The following BIRC6 variants were observed in gnomAD, a reference collection of about 807,000 sequenced individuals.
BIRC6 encodes the protein dual E2 ubiquitin-conjugating enzyme/E3 ubiquitin-protein ligase BIRC6.
Under a neutral mutation model 503.3 loss-of-function variants are expected in BIRC6, and 98 were observed. That is an observed-to-expected ratio of 0.19 (90% CI 0.17 to 0.23). BIRC6 has a LOEUF of 0.23. Ranked by LOEUF, BIRC6 falls within the 10% of genes least tolerant of loss-of-function variation. The pLI, the probability that BIRC6 is intolerant of heterozygous loss-of-function variation, is 1.00. For missense variants in BIRC6, 5,360 were observed against 5,806.0 expected (o/e 0.92, Z 2.50); for synonymous variants, 2,240 against 2,078.7 (o/e 1.08, Z -2.11).
At chr2:32,376,269 G>T (rs1159194439) in intron 1 of BIRC6, among the ~76,000 whole-genome samples, 1 of 151,748 alleles carries the variant, frequency 6.6e-6, no homozygotes, top group African/African-American at 2.4e-5. Context: ...ATTGAGAGAT[G>T]AACTGCTCAC....
intron 5 of BIRC6, among the ~76,000 whole-genome samples, chr2:32,395,283 G>T (rs1369474030): frequency 6.6e-6 from 1 of 152,110 alleles, no homozygotes; most frequent in Admixed American, 6.6e-5. Flanking sequence ...GCATATATGT[G>T]TACCTCTCTT....
intron 66 of BIRC6, among the ~76,000 whole-genome samples, chr2:32,583,891 C>T (rs569902818): frequency 3.8e-4 from 58 of 152,222 alleles, no homozygotes; most frequent in African/African-American, 1.2e-3. Flanking sequence ...CCACCACGCC[C>T]GGCTAATTTT....
At chr2:32,471,352 A>G (rs1201908750) in intron 32 of BIRC6, among the ~76,000 whole-genome samples, 3 of 152,202 alleles carry the variant, frequency 2.0e-5, no homozygotes, top group Admixed American at 6.5e-5. Context: ...CATGACTTTT[A>G]GTTTCTAAAT....
At position 32,357,551 on chromosome 2, in the gene BIRC6, G is replaced by T; in HGVS notation, c.325+65G>T. 1 of 1,506,436 alleles carries T rather than the reference G, an allele frequency of 6.6e-7. No individual in the cohort carries two copies. Among genetic ancestry groups the T allele is most frequent in the Non-Finnish European group, 8.8e-7 (1 of 1,131,426 alleles). The allele number at this position is 1,506,436 out of a possible 1,614,324, so 93.3% of individuals were successfully genotyped here. The stretch of plus-strand genomic sequence containing the variant: ...AAGAAGCCGTCCAGCCCCGGGGCTC[G>T]GCCTCGCGACTCGGGGAAGCGAGAT... On this transcript the variant is annotated intron_variant, in intron 1 of 73. Coordinates refer to ENST00000421745, the MANE Select transcript of BIRC6 (RefSeq NM_016252.4). This position sits in a 1 kb window ranked among gnomAD's most constrained non-coding sequence, Gnocchi z 4.9.
In BIRC6 at chr2:32,357,173, T is replaced by G; in HGVS notation, c.12T>G (p.Gly4=). The part of the protein sequence containing the change: MVT[G]GGAAPPGTVT... Reference sequence around the variant, plus strand: ...CCCCCTGGCCCCGGATGGTGACTGGTGGTGGTGCTGCACCTCCCGGGACTG... The same window carrying G: ...CCCCCTGGCCCCGGATGGTGACTGGGGGTGGTGCTGCACCTCCCGGGACTG... Residue 4 remains glycine, a synonymous_variant, in exon 1 of 74, where the codon GGT becomes GGG. Coordinates refer to ENST00000421745, the MANE Select transcript of BIRC6 (RefSeq NM_016252.4). The surrounding 1 kb of genome is among the most constrained non-coding windows in gnomAD (Gnocchi z 4.9). 1 of 1,525,704 alleles carries G rather than the reference T, an allele frequency of 6.6e-7. No individual in the cohort carries two copies. The highest frequency in any genetic ancestry group is 8.7e-7 in the Non-Finnish European group (1 of 1,145,978). The allele number at this position is 1,525,704 out of a possible 1,614,324, so 94.5% of individuals were successfully genotyped here. A position where few individuals can be genotyped will look rare whatever the true frequency, so the allele number is the denominator to read the frequency against.
chr2:32,445,663 G>C lies in BIRC6; in HGVS notation c.4479G>C (p.Gln1493His). The C allele has an allele frequency of 6.5e-7, 1 of 1,543,094 alleles. No individual in the cohort carries two copies. Among genetic ancestry groups the C allele is most frequent in the Non-Finnish European group, 8.7e-7 (1 of 1,143,910 alleles). ...TAACACCAATGGAGGCTTTACTTCA[G>C]ACAAGGTATTTTAGTATATCTAATG... ...DRLTPMEALLQTRYGLYSSPF... is the reference protein window; with the variant it reads ...DRLTPMEALLHTRYGLYSSPF... Residue 1493 changes from glutamine to histidine, a missense_variant, in exon 21 of 74, where the codon CAG becomes CAC. By Grantham distance (24) the Gln-to-His change is conservative (BLOSUM62 0). Transcript: ENST00000421745.
chr2:32,420,227 A>G (rs2042792012), intron 10 of BIRC6, among the ~76,000 whole-genome samples: 1 of 152,196 alleles, frequency 6.6e-6, no homozygotes, highest in Non-Finnish European at 1.5e-5. Context: ...CTTGCCTGAT[A>G]GAATGAGTTG....
At chr2:32,544,609 G>A (rs1009678206) in intron 62 of BIRC6, among the ~76,000 whole-genome samples, 1 of 149,920 alleles carries the variant, frequency 6.7e-6, no homozygotes, top group Non-Finnish European at 1.5e-5. Flanking sequence ...TCTTTCACAT[G>A]CCATTTAGAA....
chr2:32,418,389 GA>G (rs142696476), intron 10 of BIRC6, among the ~76,000 whole-genome samples: 30 of 152,286 alleles, frequency 2.0e-4, no homozygotes, highest in African/African-American at 7.0e-4. Flanking sequence ...CTGAAGGAAA[GA>G]AAGGTTAAGT....
chr2:32,606,337 C>T (rs1199454831), intron 71 of BIRC6, among the ~76,000 whole-genome samples: 1 of 152,126 alleles, frequency 6.6e-6, no homozygotes, highest in Non-Finnish European at 1.5e-5. Context: ...CCTGTAATCT[C>T]AGCACTTTGG....
Position 32,514,976 on chromosome 2 carries a change from C to G in BIRC6, c.10569-14C>G. 2 of 1,579,520 alleles carry G rather than the reference C, an allele frequency of 1.3e-6. No individual in the cohort carries two copies. Among genetic ancestry groups the G allele is most frequent in the Non-Finnish European group, 1.7e-6 (2 of 1,154,544 alleles). On this transcript the variant is annotated splice_polypyrimidine_tract_variant and intron_variant, in intron 54 of 73. Coordinates refer to ENST00000421745, the MANE Select transcript of BIRC6 (RefSeq NM_016252.4). ...TATACTTGTATCATTAATATGATAT[C>G]TTTTATTTTTTAGGTTACTTTTTAA...
At chr2:32,598,911 A>C (rs148070529) in intron 69 of BIRC6, among the ~76,000 whole-genome samples, 5 of 149,160 alleles carry the variant, frequency 3.4e-5, no homozygotes, top group African/African-American at 1.2e-4. Context: ...TAATCCCAGT[A>C]CTTGGCAGGC....
rs1341828877 is a variant in BIRC6, at chr2:32,599,913, C to T, written c.13992+13C>T. 4 of 1,606,040 alleles carry T rather than the reference C, an allele frequency of 2.5e-6. No individual in the cohort carries two copies. Among genetic ancestry groups the T allele is most frequent in the African/African-American group, 1.3e-5 (1 of 74,720 alleles). ...TAATGATGGCAAGGTAAATTAATTGCAATTTTTTGTTTCAAATGCCAATGA... is the reference window on the plus strand; with the variant it reads ...TAATGATGGCAAGGTAAATTAATTGTAATTTTTTGTTTCAAATGCCAATGA... On this transcript the variant is annotated intron_variant, in intron 70 of 73. Transcript: ENST00000421745.
intron 1 of BIRC6, among the ~76,000 whole-genome samples, chr2:32,376,259 A>T (rs1312359457): frequency 2.6e-5 from 4 of 152,004 alleles, no homozygotes; most frequent in African/African-American, 9.7e-5. Context: ...CCAATTAACA[A>T]TTGAGAGATG....
At chr2:32,510,726 A>G (rs2054298835) in intron 53 of BIRC6, 92 bp downstream of exon 53, 2 of 822,968 alleles carry the variant, frequency 2.4e-6, no homozygotes, top group Non-Finnish European at 2.0e-6. Context: ...AGATGATCTC[A>G]TAAAAGACAA....
At chr2:32,419,762 A>C (rs1418904462) in intron 10 of BIRC6, among the ~76,000 whole-genome samples, 1 of 152,238 alleles carries the variant, frequency 6.6e-6, no homozygotes, top group African/African-American at 2.4e-5. Context: ...AAGGAGGATA[A>C]TAAGTTGAGC....
At chr2:32,385,245 A>C (rs1054784751) in intron 3 of BIRC6, among the ~76,000 whole-genome samples, 2 of 152,218 alleles carry the variant, frequency 1.3e-5, no homozygotes, top group Admixed American at 1.3e-4. Flanking sequence ...TTATTTCATC[A>C]TAAGGAGTTC....
At chr2:32,601,021 C>A (rs1573306158) in intron 70 of BIRC6, among the ~76,000 whole-genome samples, 1 of 152,154 alleles carries the variant, frequency 6.6e-6, no homozygotes. Context: ...GCAAAAAAAT[C>A]TCATAATATT....
intron 30 of BIRC6, among the ~76,000 whole-genome samples, chr2:32,469,914 T>G (rs2048942675): frequency 6.6e-6 from 1 of 152,242 alleles, no homozygotes; most frequent in African/African-American, 2.4e-5. Context: ...TTGTGGCTAA[T>G]AAAATTCTCT....
Sources: gnomAD v4.1 joint callset for allele counts (sites outside exome capture counted in the v4.1 genomes callset) on GRCh38, gnomAD v4.1.1 for gene constraint, Gnocchi (gnomAD v3.1) non-coding constraint, MANE v1.5 for transcripts, NCBI Gene and HGNC (gene_info 2026-07-23, HGNC 2026-07-21) for gene names.